The following AFAP1 variants were observed in gnomAD, a reference collection of about 807,000 sequenced individuals.
AFAP1 encodes actin filament-associated protein 1.
Under a neutral mutation model 93.9 loss-of-function variants are expected in AFAP1, and 75 were observed. That is an observed-to-expected ratio of 0.80 (90% CI 0.66 to 0.97). The LOEUF is 0.97. Among genes scored for constraint, AFAP1 ranks in the 50% least tolerant of loss-of-function variants. The pLI, the probability that AFAP1 is intolerant of heterozygous loss-of-function variation, is 0.00. For synonymous variants in AFAP1, 517 were observed against 430.7 expected, an observed-to-expected ratio of 1.20 and a Z score of -2.48; for missense variants, 1,201 against 1,050.8, an observed-to-expected ratio of 1.14 and a Z score of -1.98.
intron 16 of AFAP1, among the ~76,000 whole-genome samples, chr4:7,771,518 G>A (rs1715437431): frequency 1.3e-5 from 2 of 152,222 alleles, no homozygotes; most frequent in South Asian, 4.1e-4. Flanking sequence ...TGGAATGAAT[G>A]AATGAATGCA....
At chr4:7,872,271 A>G in intron 1 of AFAP1, 191 bp from the exon 2 acceptor site, 1 of 597,294 alleles carries the variant, frequency 1.7e-6, no homozygotes, top group Non-Finnish European at 2.7e-6. Flanking sequence ...CAAATGCACT[A>G]CTCCTTTGCT....
chr4:7,871,817 A>G (rs1324780805), intron 2 of AFAP1, 135 bp downstream of exon 2: 1 of 1,284,592 alleles, frequency 7.8e-7, no homozygotes, highest in Non-Finnish European at 1.1e-6. Context: ...TAAACCCTCA[A>G]TGAAAACTTG....
At chr4:7,867,962 G>A (rs1716608529) in intron 3 of AFAP1, among the ~76,000 whole-genome samples, 1 of 152,050 alleles carries the variant, frequency 6.6e-6, no homozygotes, top group Non-Finnish European at 1.5e-5. Flanking sequence ...AAAGAGAATT[G>A]CTACTGATTT....
At chr4:7,828,272 G>A (rs1335334074) in intron 6 of AFAP1, among the ~76,000 whole-genome samples, 2 of 152,178 alleles carry the variant, frequency 1.3e-5, no homozygotes, top group East Asian at 1.9e-4. Context: ...GGCTGGCTAT[G>A]TGAACTTGGG....
intron 1 of AFAP1, among the ~76,000 whole-genome samples, chr4:7,921,896 C>T (rs1398493123): frequency 7.2e-5 from 11 of 152,150 alleles, no homozygotes; most frequent in East Asian, 1.9e-4. Context: ...GAGGCTGAGG[C>T]AGGCGATCAC....
intron 5 of AFAP1, chr4:7,842,682 A>T (rs1713191596): frequency 6.3e-6 from 1 of 158,722 alleles, no homozygotes; most frequent in Non-Finnish European, 1.4e-5. Flanking sequence ...CTGCCTCTCA[A>T]ATTTAAAAAA....
At chr4:7,833,927 C>T (rs1711935657) in intron 6 of AFAP1, among the ~76,000 whole-genome samples, 1 of 151,914 alleles carries the variant, frequency 6.6e-6, no homozygotes, top group East Asian at 1.9e-4. Context: ...AAGCACCATT[C>T]AATCAGGCAA....
intron 16 of AFAP1, among the ~76,000 whole-genome samples, chr4:7,771,956 C>G (rs1289798326): frequency 6.6e-6 from 1 of 152,184 alleles, no homozygotes; most frequent in African/African-American, 2.4e-5. Flanking sequence ...GTGACTGAAA[C>G]TCAGGGCTGC....
chr4:7,917,305 G>A (rs1720139051), intron 1 of AFAP1, among the ~76,000 whole-genome samples: 1 of 152,130 alleles, frequency 6.6e-6, no homozygotes, highest in African/African-American at 2.4e-5. Context: ...CTGAGTGGGG[G>A]TAGGGGGACT....
rs190482006 is a variant in AFAP1 at position 7,874,421 on chromosome 4, T to A, written c.-2-2341A>T. On this transcript the variant is annotated intron_variant, in intron 1 of 17. Transcript: ENST00000420658. ...CTTTGTCACCCAGGCTGGAGTGCAG[T>A]GGTGCAATCTCGGCTCACTGCAAGT... is the stretch of plus-strand genomic sequence containing the variant. Among the ~76,000 whole-genome samples the A allele has an allele frequency of 2.6e-4, 37 of 141,184 alleles. No individual in the cohort carries two copies. The East Asian group carries it at 7.6e-3, about 29-fold the overall frequency. The allele number at this position is 141,184 out of a possible 152,430, so 92.6% of individuals were successfully genotyped here.
chr4:7,785,452 T>G (rs936572509), intron 12 of AFAP1, among the ~76,000 whole-genome samples: 4 of 152,222 alleles, frequency 2.6e-5, no homozygotes, highest in African/African-American at 9.6e-5. Context: ...GTCGAATTTG[T>G]AATGTGGTCA....
At chr4:7,933,522 G>A (rs1376173306) in intron 1 of AFAP1, among the ~76,000 whole-genome samples, 8 of 152,166 alleles carry the variant, frequency 5.3e-5, no homozygotes, top group African/African-American at 1.9e-4. Flanking sequence ...GCAGTGAGCT[G>A]TGATCACACC....
intron 3 of AFAP1, 73 bp downstream of exon 3, chr4:7,868,549 A>T (rs1263612955): frequency 7.4e-7 from 1 of 1,356,076 alleles, no homozygotes; most frequent in Admixed American, 2.2e-5. Context: ...GGCTTCCATC[A>T]CAGGCCCCTG....
intron 5 of AFAP1, among the ~76,000 whole-genome samples, chr4:7,842,271 C>T (rs1713105706): frequency 7.9e-6 from 1 of 126,896 alleles, no homozygotes; most frequent in Non-Finnish European, 1.6e-5. Context: ...AAAAAAGATT[C>T]CCACAATTCA....
intron 10 of AFAP1, among the ~76,000 whole-genome samples, chr4:7,795,633 G>A (rs1215257159): frequency 6.6e-6 from 1 of 151,762 alleles, no homozygotes; most frequent in Non-Finnish European, 1.5e-5. Context: ...CACTGTGTTA[G>A]CCAGGATGGT....
chr4:7,898,557 A>C (rs1449706184), intron 1 of AFAP1, among the ~76,000 whole-genome samples: 3 of 151,930 alleles, frequency 2.0e-5, no homozygotes, highest in African/African-American at 7.3e-5. Context: ...ATGTTTGGGC[A>C]ATCTGAGGGA....
At chr4:7,938,518 G>A (rs1270625598) in intron 1 of AFAP1, among the ~76,000 whole-genome samples, 1 of 152,110 alleles carries the variant, frequency 6.6e-6, no homozygotes, top group South Asian at 2.1e-4. Flanking sequence ...GCAGCATCAG[G>A]TCTTCCCATC....
intron 1 of AFAP1, among the ~76,000 whole-genome samples, chr4:7,908,072 C>T (rs922535002): frequency 5.9e-5 from 9 of 152,068 alleles, no homozygotes; most frequent in African/African-American, 9.7e-5. Flanking sequence ...ATTAGCCGGG[C>T]GTGGTGGCAC....
intron 17 of AFAP1, among the ~76,000 whole-genome samples, chr4:7,767,332 G>A (rs1335048278): frequency 2.6e-5 from 4 of 152,148 alleles, no homozygotes; most frequent in Admixed American, 6.5e-5. Context: ...ACACGGTGAT[G>A]GGAGCCCTTT....
Sources: allele counts gnomAD v4.1 joint callset (sites outside exome capture counted in the v4.1 genomes callset), GRCh38; gene constraint gnomAD v4.1.1; transcripts MANE v1.5; gene names NCBI Gene and HGNC (gene_info 2026-07-23, HGNC 2026-07-21).